SREBF2: variants seen among roughly 807,000 people sequenced by gnomAD.
SREBF2 encodes the protein sterol regulatory element-binding protein 2.
SREBF2 carries 55 observed loss-of-function variants against 113.1 expected under a neutral mutation model. The ratio of observed to expected loss-of-function variants is 0.49; its 90% confidence interval spans 0.39 to 0.61. The LOEUF (loss-of-function observed/expected upper bound fraction) is 0.61. Among genes scored for constraint, SREBF2 ranks in the 20% least tolerant of loss-of-function variants. The probability of loss-of-function intolerance (pLI) is 0.00; values close to 1 mark genes in which losing one functional copy is unlikely to be tolerated. For missense variants in SREBF2, 1,349 were observed against 1,487.4 expected (o/e 0.91, Z 1.53); for synonymous variants, 593 against 605.7 (o/e 0.98, Z 0.31).
chr22:41,875,454 A>G lies in SREBF2; in HGVS notation c.1204+3A>G, dbSNP rs1293271189. On this transcript the variant is annotated splice_donor_region_variant and intron_variant, in intron 6 of 18. Coordinates refer to ENST00000361204, the MANE Select transcript of SREBF2 (RefSeq NM_004599.4). ...GAAGCTGGCAAATCAAAAGAACAGT[A>G]AGTGTGCTGAGAAAAGGCTTGTCAG... 6.2e-7 allele frequency: 1 copy of G among 1,614,242 alleles called. No homozygotes were observed. The highest frequency in any genetic ancestry group is 1.1e-5 in the South Asian group (1 of 91,082).
intron 11 of SREBF2, among the ~76,000 whole-genome samples, chr22:41,889,074 T>C (rs2077329406): frequency 6.6e-6 from 1 of 152,202 alleles, no homozygotes; most frequent in Non-Finnish European, 1.5e-5. Flanking sequence ...CTACTCACTA[T>C]GTCTCAGTAA....
chr22:41,905,693 C>T lies in SREBF2; in HGVS notation c.*33C>T. ...GCTCAGCCCACCCCTCCACCTCTCT[C>T]TCGATTTCTCTCTCTCCCCCTCAGC... On this transcript the variant is annotated 3_prime_UTR_variant, in exon 19 of 19. Transcript: ENST00000361204. 6.5e-7 allele frequency: 1 copy of T among 1,537,020 alleles called. No homozygotes were observed. The highest frequency in any genetic ancestry group is 1.2e-5 in the South Asian group (1 of 83,804).
chr22:41,867,031 T>C lies in SREBF2; in HGVS notation c.289T>C (p.Leu97=). ...GCAACGGTCATTCACCCAGGTCACA[T>C]TACCTTCCTTCTCTCCCTCGGCGGC... ...SVQRSFTQVT[L]PSFSPSAASP... The change falls in exon 2 of 19, where the codon TTA becomes CTA. Residue 97 remains leucine, a synonymous_variant. Transcript: ENST00000361204. 1.2e-6 allele frequency: 2 copies of C among 1,614,116 alleles called. No homozygotes were observed. The highest frequency in any genetic ancestry group is 1.7e-6 in the Non-Finnish European group (2 of 1,180,026).
chr22:41,905,992 CCTT>C lies in SREBF2; in HGVS notation c.*333_*335del. ...TTCTCTCTCCTGAACCCTACTCTCTCCTTTTTGCTTCCTCAGTTTTTATCAGGC... is the reference window on the plus strand; with the variant it reads ...TTCTCTCTCCTGAACCCTACTCTCTCTTTGCTTCCTCAGTTTTTATCAGGC... On this transcript the variant is annotated 3_prime_UTR_variant, in exon 19 of 19. Transcript: ENST00000361204. 1 of 552,026 alleles carries C rather than the reference CCTT, an allele frequency of 1.8e-6. No individual in the cohort carries two copies. Among genetic ancestry groups the C allele is most frequent in the Non-Finnish European group, 3.5e-6 (1 of 289,302 alleles). The allele number at this position is 552,026 out of a possible 1,614,324, so 34.2% of individuals were successfully genotyped here.
chr22:41,903,064 A>T lies in SREBF2; in HGVS notation c.3002A>T (p.Tyr1001Phe), dbSNP rs756644277. The T allele has an allele frequency of 6.2e-7, 1 of 1,602,292 alleles. No individual in the cohort carries two copies. The highest frequency in any genetic ancestry group is 1.1e-5 in the South Asian group (1 of 89,152). The change falls in exon 17 of 19, where the codon TAC (tyrosine) becomes TTC (phenylalanine). Residue 1001 changes from tyrosine (Y) to phenylalanine (F), a missense_variant. This residue lies in a region of SREBF2 where 650 missense variants were observed against 644.1 expected (regional missense o/e 1.01). Transcript: ENST00000361204. The stretch of plus-strand genomic sequence containing the variant: ...GCCAGCCAGGCTGTGGGGGAGACCT[A>T]CCACGCGTCAGGCGCTGAACTGGCG... Reference protein sequence around the residue: ...ASASQAVGETYHASGAELAGF... With the variant: ...ASASQAVGETFHASGAELAGF...
chr22:41,872,891 T>C (rs1330136941), intron 4 of SREBF2, among the ~76,000 whole-genome samples: 1 of 146,248 alleles, frequency 6.8e-6, no homozygotes, highest in Non-Finnish European at 1.5e-5. Context: ...AGACTTTGTC[T>C]CAAAAAAAAA....
At chr22:41,897,790 A>T (rs901041853) in intron 14 of SREBF2, among the ~76,000 whole-genome samples, 7 of 152,158 alleles carry the variant, frequency 4.6e-5, no homozygotes, top group African/African-American at 1.7e-4. Flanking sequence ...CCACCCTATC[A>T]TGATCCCTGA....
intron 1 of SREBF2, among the ~76,000 whole-genome samples, chr22:41,848,144 A>G (rs972060473): frequency 2.6e-5 from 4 of 152,122 alleles, no homozygotes; most frequent in African/African-American, 9.6e-5. Flanking sequence ...GTACATGTGC[A>G]CAATGTGCAG....
Position 41,902,951 on chromosome 22 carries a change from C to T in SREBF2, c.2908-19C>T, listed in dbSNP as rs750726461. On this transcript the variant is annotated intron_variant, in intron 16 of 18. Coordinates refer to ENST00000361204, the MANE Select transcript of SREBF2 (RefSeq NM_004599.4). The stretch of plus-strand genomic sequence containing the variant: ...TGGGCCAGTCACCTGTCTCCCCTCT[C>T]TCGTGGCTGACCCCACAGGTGGTCC... 39 of 1,604,624 alleles carry T rather than the reference C, an allele frequency of 2.4e-5. No homozygotes were observed. The highest frequency in any genetic ancestry group is 3.2e-5 in the Non-Finnish European group (38 of 1,175,532).
At chr22:41,862,807 A>G (rs2077038929) in intron 1 of SREBF2, among the ~76,000 whole-genome samples, 1 of 151,288 alleles carries the variant, frequency 6.6e-6, no homozygotes, top group African/African-American at 2.4e-5. Flanking sequence ...TCATCTTAAC[A>G]GCCCCTCTGT....
At chr22:41,891,171 G>A (rs1260740900) in intron 11 of SREBF2, 1 of 152,016 alleles carries the variant, frequency 6.6e-6, no homozygotes, top group East Asian at 1.9e-4. Flanking sequence ...TGGGACCTCC[G>A]AAGCCCAGGA....
At chr22:41,871,059 C>A in intron 4 of SREBF2, 24 bp downstream of exon 4, 1 of 1,613,846 alleles carries the variant, frequency 6.2e-7, no homozygotes, top group Non-Finnish European at 8.5e-7. Flanking sequence ...TCTCCCCCAC[C>A]CTCCTCCCTC....
intron 1 of SREBF2, among the ~76,000 whole-genome samples, chr22:41,839,577 C>G (rs1232882037): frequency 6.6e-6 from 1 of 152,138 alleles, no homozygotes; most frequent in African/African-American, 2.4e-5. Flanking sequence ...CAGGTGGAAG[C>G]AAGTAGTTCT....
intron 2 of SREBF2, 145 bp downstream of exon 2, chr22:41,867,425 A>T (rs1413290112): frequency 9.3e-6 from 8 of 861,146 alleles, no homozygotes; most frequent in Non-Finnish European, 1.3e-5. Flanking sequence ...GTAACTGGCA[A>T]TAAGAACTGG....
At position 41,869,106 on chromosome 22, in the gene SREBF2, G is replaced by T. The variant is rs541076532; in HGVS notation, c.720+314G>T. The stretch of plus-strand genomic sequence containing the variant: ...TCATAGTTTTGTGTTGTGTTTTTTT[G>T]TTGTTGTTGTTGTTTTGAGACGGAG... On this transcript the variant is annotated intron_variant, in intron 3 of 18. Coordinates refer to ENST00000361204, the MANE Select transcript of SREBF2 (RefSeq NM_004599.4). Among the ~76,000 whole-genome samples the T allele has an allele frequency of 5.0e-3, 754 of 151,972 alleles. 6 individuals carry two copies. Among genetic ancestry groups the T allele is most frequent in the African/African-American group, 0.012 (509 of 41,492 alleles).
intron 1 of SREBF2, among the ~76,000 whole-genome samples, chr22:41,856,581 T>TA (rs1248272729): frequency 1.3e-5 from 2 of 151,942 alleles, no homozygotes; most frequent in African/African-American, 4.8e-5. Flanking sequence ...AGGAAGAGGG[T>TA]GGTCACAAGT....
Position 41,833,589 on chromosome 22 carries a change from GC to G in SREBF2, c.88+232del. On this transcript the variant is annotated intron_variant, in intron 1 of 18. Transcript: ENST00000361204. This position sits in a 1 kb window ranked among gnomAD's most constrained non-coding sequence, Gnocchi z 4.1. The stretch of plus-strand genomic sequence containing the variant: ...GATCTGGGGCGCCGCGGGGCCGAAA[GC>G]GGCGCGAGGGTCGCGGGTTCCAGAG... The G allele has an allele frequency of 2.4e-6, 1 of 422,574 alleles. No individual in the cohort carries two copies. The highest frequency in any genetic ancestry group is 4.1e-6 in the Non-Finnish European group (1 of 242,052). The allele number at this position is 422,574 out of a possible 1,614,324, so 26.2% of individuals were successfully genotyped here.
chr22:41,864,001 C>T (rs1040677596), intron 1 of SREBF2, among the ~76,000 whole-genome samples: 2 of 151,172 alleles, frequency 1.3e-5, no homozygotes, highest in Non-Finnish European at 2.9e-5. Context: ...TCTCCTGCCT[C>T]AGCCTCCCGA....
At position 41,870,992 on chromosome 22, in the gene SREBF2, C is replaced by A. The variant is rs201909412; in HGVS notation, c.824C>A (p.Thr275Asn). ...VMAAVQNPAL[T>N]ALTTPIQTAA... ...GCTGCGGTCCAGAACCCGGCCCTCA[C>A]CGCCCTCACCACCCCTATCCAGACG... Residue 275 changes from threonine to asparagine, a missense_variant, in exon 4 of 19, where the codon ACC becomes AAC. By Grantham distance (65) the Thr-to-Asn change is moderately conservative (BLOSUM62 0). Around this residue, in one of 2 missense-constraint regions of SREBF2, gnomAD observed 699 missense variants for 843.3 expected, o/e 0.83. Coordinates refer to ENST00000361204, the MANE Select transcript of SREBF2 (RefSeq NM_004599.4). The A allele has an allele frequency of 3.7e-6, 6 of 1,613,996 alleles. No individual in the cohort carries two copies. Among genetic ancestry groups the A allele is most frequent in the Non-Finnish European group, 5.1e-6 (6 of 1,179,934 alleles).
Sources: allele counts gnomAD v4.1 joint callset (sites outside exome capture counted in the v4.1 genomes callset), GRCh38; gene constraint gnomAD v4.1.1; regional missense constraint gnomAD v4.1.1; non-coding constraint Gnocchi (gnomAD v3.1); transcripts MANE v1.5; gene names NCBI Gene and HGNC (gene_info 2026-07-23, HGNC 2026-07-21).